The following NSMCE2 variants were observed in gnomAD, a reference collection of about 807,000 sequenced individuals.
NSMCE2 encodes E3 SUMO-protein ligase NSE2.
NSMCE2 carries 24 observed loss-of-function variants against 23.8 expected under a neutral mutation model. The ratio of observed to expected loss-of-function variants is 1.01; its 90% CI spans 0.73 to 1.42. The LOEUF (loss-of-function observed/expected upper bound fraction) is 1.42, where lower values mean the gene tolerates loss of function less well. NSMCE2 is among the 40% of genes most tolerant of loss of function. NSMCE2 has a pLI of 0.00. For synonymous variants in NSMCE2, 92 were observed against 94.1 expected, an observed-to-expected ratio of 0.98 and a Z score of 0.13; for missense variants, 284 against 296.5, an observed-to-expected ratio of 0.96 and a Z score of 0.31.
intron 1 of NSMCE2, among the ~76,000 whole-genome samples, chr8:125,097,245 T>C (rs1817984630): frequency 6.6e-6 from 1 of 152,194 alleles, no homozygotes; most frequent in Non-Finnish European, 1.5e-5. Flanking sequence ...TTAACATCTT[T>C]AACATTTTGC....
At chr8:125,249,265 A>C (rs1158733327) in intron 5 of NSMCE2, among the ~76,000 whole-genome samples, 1 of 152,172 alleles carries the variant, frequency 6.6e-6, no homozygotes, top group Non-Finnish European at 1.5e-5. Flanking sequence ...TCTGAATTTT[A>C]AAGATCTCAA....
chr8:125,274,015 T>C (rs1455431421), intron 5 of NSMCE2, among the ~76,000 whole-genome samples: 1 of 152,174 alleles, frequency 6.6e-6, no homozygotes, highest in Non-Finnish European at 1.5e-5. Context: ...AGCACCTCTT[T>C]TTGCAAGGTG....
intron 5 of NSMCE2, among the ~76,000 whole-genome samples, chr8:125,197,517 G>A (rs1236797015): frequency 6.6e-6 from 1 of 152,096 alleles, no homozygotes; most frequent in Non-Finnish European, 1.5e-5. Flanking sequence ...TAGATGTGTG[G>A]TGTTATTTCT....
At chr8:125,316,095 C>G (rs1829168580) in intron 5 of NSMCE2, among the ~76,000 whole-genome samples, 2 of 152,232 alleles carry the variant, frequency 1.3e-5, no homozygotes, top group Admixed American at 6.5e-5. Flanking sequence ...GTATGAGCCA[C>G]TACACCTGGT....
intron 5 of NSMCE2, among the ~76,000 whole-genome samples, chr8:125,199,124 CTT>C (rs1388958177): frequency 6.6e-6 from 1 of 151,948 alleles, no homozygotes; most frequent in Non-Finnish European, 1.5e-5. Context: ...TTTTGTTGAT[CTT>C]TTCAAAAAAC....
At chr8:125,264,057 A>C (rs1314324972) in intron 5 of NSMCE2, among the ~76,000 whole-genome samples, 1 of 152,220 alleles carries the variant, frequency 6.6e-6, no homozygotes, top group Non-Finnish European at 1.5e-5. Context: ...CATGTCTGGC[A>C]CATAACTGGC....
intron 5 of NSMCE2, among the ~76,000 whole-genome samples, chr8:125,301,615 C>T (rs1828565872): frequency 6.6e-6 from 1 of 151,432 alleles, no homozygotes; most frequent in Non-Finnish European, 1.5e-5. Context: ...TTAGTGAGCT[C>T]CCATTCTCCA....
chr8:125,117,638 C>G (rs964856386), intron 3 of NSMCE2, among the ~76,000 whole-genome samples: 2 of 152,104 alleles, frequency 1.3e-5, no homozygotes, highest in Non-Finnish European at 2.9e-5. Flanking sequence ...ACTCAGCCTC[C>G]CAAAGTAGCT....
Position 125,357,696 on chromosome 8 carries a change from A to G in NSMCE2, c.520-16A>G. On this transcript the variant is annotated splice_polypyrimidine_tract_variant and intron_variant, in intron 6 of 7. Coordinates refer to ENST00000287437, the MANE Select transcript of NSMCE2 (RefSeq NM_173685.4). Reference sequence around the variant, plus strand: ...TCATTATCATTCCTGAAAGCCCAACATCTCCTTGATTACAGGAGGAAATGA... The same window carrying G: ...TCATTATCATTCCTGAAAGCCCAACGTCTCCTTGATTACAGGAGGAAATGA... The G allele has an allele frequency of 6.3e-7, 1 of 1,579,200 alleles. No homozygotes were observed. The highest frequency in any genetic ancestry group is 8.7e-7 in the Non-Finnish European group (1 of 1,148,100).
At chr8:125,250,672 A>G (rs891998905) in intron 5 of NSMCE2, among the ~76,000 whole-genome samples, 4 of 152,002 alleles carry the variant, frequency 2.6e-5, no homozygotes, top group Non-Finnish European at 2.9e-5. Flanking sequence ...TTTTTAAGAG[A>G]TGGAATCTTG....
At chr8:125,133,019 G>A (rs944020081) in intron 3 of NSMCE2, among the ~76,000 whole-genome samples, 4 of 152,124 alleles carry the variant, frequency 2.6e-5, no homozygotes, top group Non-Finnish European at 5.9e-5. Flanking sequence ...AGAGAAAATT[G>A]ACAGTTGCAG....
chr8:125,169,366 C>T (rs1822053384), intron 4 of NSMCE2, among the ~76,000 whole-genome samples: 1 of 152,188 alleles, frequency 6.6e-6, no homozygotes, highest in Non-Finnish European at 1.5e-5. Flanking sequence ...TAGAACCACA[C>T]ACATAAACTT....
intron 3 of NSMCE2, among the ~76,000 whole-genome samples, chr8:125,108,456 A>G (rs369452051): frequency 6.6e-6 from 1 of 152,336 alleles, no homozygotes; most frequent in African/African-American, 2.4e-5. Flanking sequence ...CACGCTTGCT[A>G]TTGGGTCCAG....
At chr8:125,197,573 C>G (rs554453556) in intron 5 of NSMCE2, among the ~76,000 whole-genome samples, 8 of 152,242 alleles carry the variant, frequency 5.3e-5, no homozygotes, top group Admixed American at 5.2e-4. Flanking sequence ...GTTTTGGTAC[C>G]AGTATCATGC....
At chr8:125,181,470 G>A (rs1822804320) in intron 4 of NSMCE2, among the ~76,000 whole-genome samples, 1 of 152,142 alleles carries the variant, frequency 6.6e-6, no homozygotes, top group Non-Finnish European at 1.5e-5. Flanking sequence ...AGATGAATGA[G>A]TGTTCATAAT....
intron 4 of NSMCE2, among the ~76,000 whole-genome samples, chr8:125,168,273 G>A (rs1821998841): frequency 6.6e-6 from 1 of 152,142 alleles, no homozygotes; most frequent in African/African-American, 2.4e-5. Context: ...CCATTGACAA[G>A]CTCTTGGAAG....
At chr8:125,110,762 G>GTTTTTT (rs1017002301) in intron 3 of NSMCE2, among the ~76,000 whole-genome samples, 58 of 41,566 alleles carry the variant, frequency 1.4e-3, no homozygotes, top group Non-Finnish European at 2.0e-3. Context: ...GGTTGTTGTT[G>GTTTTTT]TTTTTTTTTT....
chr8:125,139,782 ATTTG>A (rs1210734608), intron 3 of NSMCE2, among the ~76,000 whole-genome samples: 1 of 152,054 alleles, frequency 6.6e-6, no homozygotes, highest in Non-Finnish European at 1.5e-5. Flanking sequence ...TCCCACATAT[ATTTG>A]TTTGCCCTTA....
intron 5 of NSMCE2, among the ~76,000 whole-genome samples, chr8:125,286,324 T>A (rs1432518386): frequency 1.1e-4 from 16 of 151,884 alleles, no homozygotes; most frequent in South Asian, 4.2e-4. Context: ...TATTTTTTTT[T>A]TTTTTTGAGA....
Sources: allele counts gnomAD v4.1 joint callset (sites outside exome capture counted in the v4.1 genomes callset), GRCh38; gene constraint gnomAD v4.1.1; transcripts MANE v1.5; gene names NCBI Gene and HGNC (gene_info 2026-07-23, HGNC 2026-07-21).